The following PTPRN2 variants were observed in gnomAD, a reference collection of about 807,000 sequenced individuals.
The protein encoded by PTPRN2 is receptor-type tyrosine-protein phosphatase N2.
In PTPRN2, 74 loss-of-function variants were observed where a neutral mutation model predicts 118.8. The observed-to-expected ratio is 0.62, with a 90% CI of 0.52 to 0.76. The LOEUF (loss-of-function observed/expected upper bound fraction) is 0.76. PTPRN2 is among the 30% of genes least tolerant of loss of function. PTPRN2 has a pLI of 0.00. For synonymous variants in PTPRN2, 641 were observed against 608.0 expected (o/e 1.05, Z -0.80); for missense variants, 1,481 against 1,394.4 (o/e 1.06, Z -0.99).
chr7:157,936,363 A>C (rs563927683), intron 11 of PTPRN2, among the ~76,000 whole-genome samples: 1 of 151,510 alleles, frequency 6.6e-6, no homozygotes, highest in African/African-American at 2.4e-5. Flanking sequence ...CCCAAACCAG[A>C]CTCTACTGGG....
Position 158,570,044 on chromosome 7 carries a change from C to T in PTPRN2, c.112+17514G>A, listed in dbSNP as rs1234878694. ...GCCAGGCCTTTCCTCCCTCGCGTTC[C>T]CTCAGGCGCGTCCTCCACCCGTTTC... On this transcript the variant is annotated intron_variant, in intron 1 of 22. Coordinates refer to ENST00000389418, the MANE Select transcript of PTPRN2 (RefSeq NM_002847.5). The surrounding 1 kb of genome is among the most constrained non-coding windows in gnomAD (Gnocchi z 4.5). 1.3e-5 allele frequency among the ~76,000 whole-genome samples: 2 copies of T among 152,180 alleles called. No homozygotes were observed. The highest frequency in any genetic ancestry group is 4.8e-5 in the African/African-American group (2 of 41,468).
At chr7:157,544,339 T>C (rs551308824) in intron 22 of PTPRN2, among the ~76,000 whole-genome samples, 83 of 152,300 alleles carry the variant, frequency 5.4e-4, no homozygotes, top group Middle Eastern at 6.8e-3. Context: ...GTTGGGAAGA[T>C]AGGAGCATGT....
intron 1 of PTPRN2, among the ~76,000 whole-genome samples, chr7:158,559,026 C>T (rs534791043): frequency 3.4e-4 from 52 of 152,276 alleles, no homozygotes; most frequent in Middle Eastern, 6.8e-3. Context: ...CAGGAAGACT[C>T]TCAAACCCAG....
At chr7:157,790,318 G>A (rs549884290) in intron 12 of PTPRN2, among the ~76,000 whole-genome samples, 279 of 151,520 alleles carry the variant, frequency 1.8e-3, no homozygotes, top group African/African-American at 6.3e-3. Flanking sequence ...TGTGTGTGTG[G>A]TGCGGGGGTG....
intron 3 of PTPRN2, among the ~76,000 whole-genome samples, chr7:158,259,449 G>A (rs1358278769): frequency 6.6e-6 from 1 of 152,188 alleles, no homozygotes; most frequent in East Asian, 1.9e-4. Context: ...ACACCCCTCA[G>A]AGCCCCTGGG....
chr7:157,878,376 C>T lies in PTPRN2; in HGVS notation c.1788+20297G>A, dbSNP rs566494231. On this transcript the variant is annotated intron_variant, in intron 12 of 22. Coordinates refer to ENST00000389418, the MANE Select transcript of PTPRN2 (RefSeq NM_002847.5). ...ATACCATGCACCCACACTTACTCAC[C>T]GAGAAGCTCTCGGATTCCGTGGGGC... 2.3e-4 allele frequency among the ~76,000 whole-genome samples: 32 copies of T among 139,212 alleles called. 1 individual carries two copies. Among genetic ancestry groups the T allele is most frequent in the Middle Eastern group, 5.0e-3 (1 of 202 alleles). 91.3% of individuals were successfully genotyped at this position (139,212 alleles called of 152,430 possible).
chr7:157,989,678 G>A (rs931899346), intron 11 of PTPRN2, among the ~76,000 whole-genome samples: 3 of 152,000 alleles, frequency 2.0e-5, no homozygotes, highest in African/African-American at 7.3e-5. Flanking sequence ...GTCTGGGGGA[G>A]GCAGCGGGGG....
At chr7:158,126,118 AACTTCCTCTCC>A (rs1305584832) in intron 9 of PTPRN2, among the ~76,000 whole-genome samples, 1 of 104,118 alleles carries the variant, frequency 9.6e-6, no homozygotes, top group Non-Finnish European at 1.9e-5. Flanking sequence ...CGGGCGGCGG[AACTTCCTCTCC>A]GCCACACCAG....
rs182584378 is a variant in PTPRN2 at position 157,838,998 on chromosome 7, C to T, written c.1788+59675G>A. 1.7e-3 allele frequency among the ~76,000 whole-genome samples: 251 copies of T among 149,518 alleles called. 4 individuals are homozygous for T. The East Asian group carries it at 0.041, about 24-fold the overall frequency. On this transcript the variant is annotated intron_variant, in intron 12 of 22. Transcript: ENST00000389418. ...TGGCATGGGAGAAAGCTCCTCTCCA[C>T]CGTGGCTACTCCAGTTCCTCTCGTA...
At chr7:158,456,695 C>T (rs568661165) in intron 2 of PTPRN2, among the ~76,000 whole-genome samples, 1 of 152,242 alleles carries the variant, frequency 6.6e-6, no homozygotes, top group Non-Finnish European at 1.5e-5. Flanking sequence ...TCCCTGTTTT[C>T]CAGGGTTGAG....
intron 10 of PTPRN2, among the ~76,000 whole-genome samples, chr7:158,104,189 C>T (rs1433572517): frequency 6.6e-6 from 1 of 152,152 alleles, no homozygotes; most frequent in Admixed American, 6.5e-5. Context: ...AATGGAGCAT[C>T]AGGGCATCCT....
chr7:158,060,077 C>G (rs1164091064), intron 11 of PTPRN2, among the ~76,000 whole-genome samples: 1 of 121,998 alleles, frequency 8.2e-6, no homozygotes, highest in Non-Finnish European at 1.6e-5. Flanking sequence ...TCACTGCAGC[C>G]ACACTCCATC....
chr7:157,890,691 A>C (rs901247707), intron 12 of PTPRN2, among the ~76,000 whole-genome samples: 2 of 152,200 alleles, frequency 1.3e-5, no homozygotes, highest in Non-Finnish European at 2.9e-5. Context: ...TGTGATTGGA[A>C]CATCTACGGA....
At chr7:157,717,009 G>A (rs1585296081) in intron 12 of PTPRN2, among the ~76,000 whole-genome samples, 6 of 113,432 alleles carry the variant, frequency 5.3e-5, no homozygotes, top group Admixed American at 1.7e-4. Flanking sequence ...TAGACTCTGC[G>A]GGAACACTGC....
intron 2 of PTPRN2, among the ~76,000 whole-genome samples, chr7:158,457,815 G>A (rs66470504): frequency 0.32 from 45,813 of 142,254 alleles, 7,663 homozygotes; most frequent in African/African-American, 0.45. Context: ...GTTAACACCA[G>A]ACCTCCCCCT....
intron 1 of PTPRN2, among the ~76,000 whole-genome samples, chr7:158,511,327 T>C (rs1001776042): frequency 3.3e-5 from 5 of 152,208 alleles, no homozygotes; most frequent in African/African-American, 9.6e-5. Context: ...TAAAGAGCAG[T>C]GTGGTTTGTG....
Position 157,760,045 on chromosome 7 carries a change from C to CAGAG in PTPRN2, c.1789-77112_1789-77109dup, listed in dbSNP as rs528652969. Among the ~76,000 whole-genome samples, 8 of 152,338 alleles carry CAGAG rather than the reference C, an allele frequency of 5.3e-5. No individual in the cohort carries two copies. In the South Asian group the frequency reaches 1.7e-3, roughly 32 times the overall value. On this transcript the variant is annotated intron_variant, in intron 12 of 22. Coordinates refer to ENST00000389418, the MANE Select transcript of PTPRN2 (RefSeq NM_002847.5). Reference sequence around the variant, plus strand: ...CCTTCCTTCCAGCCTTCCCTGTTCACAGAGGGTGCTGCAGGCCGCCAGGGT... The same window carrying CAGAG: ...CCTTCCTTCCAGCCTTCCCTGTTCACAGAGAGAGGGTGCTGCAGGCCGCCAGGGT...
intron 3 of PTPRN2, among the ~76,000 whole-genome samples, chr7:158,278,953 TGTG>T (rs1324190698): frequency 9.2e-5 from 14 of 151,974 alleles, no homozygotes; most frequent in Admixed American, 9.2e-4. Flanking sequence ...GTGGTGGATT[TGTG>T]GTCTCACTGG....
At chr7:158,373,866 G>A (rs1315834748) in intron 2 of PTPRN2, among the ~76,000 whole-genome samples, 2 of 152,186 alleles carry the variant, frequency 1.3e-5, no homozygotes, top group African/African-American at 4.8e-5. Context: ...TGTGGGGAGG[G>A]CCCTCCCGTC....
Sources: gnomAD v4.1 joint callset for allele counts (sites outside exome capture counted in the v4.1 genomes callset) on GRCh38, gnomAD v4.1.1 for gene constraint, Gnocchi (gnomAD v3.1) non-coding constraint, MANE v1.5 for transcripts, NCBI Gene and HGNC (gene_info 2026-07-23, HGNC 2026-07-21) for gene names.